Variants in TENM1 observed in about 807,000 individuals in gnomAD.
TENM1 encodes the protein teneurin transmembrane protein 1, also known as teneurin-1.
In TENM1, 35 loss-of-function variants were observed where a neutral mutation model predicts 174.8. The ratio of observed to expected loss-of-function variants is 0.20; its 90% CI spans 0.15 to 0.27. TENM1 has a LOEUF of 0.27. Among genes scored for constraint, TENM1 ranks in the 10% least tolerant of loss-of-function variants. TENM1 has a pLI of 1.00. For missense variants in TENM1, 1,633 were observed against 2,130.1 expected, an observed-to-expected ratio of 0.77 and a Z score of 4.59; for synonymous variants, 781 against 798.7, an observed-to-expected ratio of 0.98 and a Z score of 0.37.
At chrX:124,551,164 G>A (rs779728523) in intron 14 of TENM1, among the ~76,000 whole-genome samples, 49 of 112,334 alleles carry the variant, frequency 4.4e-4, no homozygotes, top group Non-Finnish European at 7.7e-4. Context: ...CACTCTATAA[G>A]TTGTTGTAAG....
At chrX:124,911,547 A>T (rs2057837173) in intron 1 of TENM1, among the ~76,000 whole-genome samples, 2 of 112,157 alleles carry the variant, frequency 1.8e-5, no homozygotes, top group Non-Finnish European at 3.8e-5. Context: ...ATCTTAAAGG[A>T]TGAATGCACT....
chrX:124,837,819 A>T (rs754543223), intron 3 of TENM1, among the ~76,000 whole-genome samples: 1 of 112,360 alleles, frequency 8.9e-6, no homozygotes, highest in African/African-American at 3.2e-5. Flanking sequence ...AGGTAGAAAG[A>T]GTTTTGCAAT....
intron 25 of TENM1, among the ~76,000 whole-genome samples, chrX:124,417,597 G>T (rs2060608713): frequency 9.0e-6 from 1 of 111,022 alleles, no homozygotes; most frequent in Admixed American, 9.6e-5. Flanking sequence ...TTCATGGAGA[G>T]ATCTCATCCC....
chrX:125,200,654 T>TGTGTGTGTGAGA, the TENM1 span, among the ~76,000 whole-genome samples: 8 of 92,420 alleles, frequency 8.7e-5, no homozygotes, highest in African/African-American at 3.4e-4. Context: ...TGTGTGTGTG[T>TGTGTGTGTGAGA]GAGAGAGAGA....
chrX:124,481,709 A>ATATATATATATT (rs766603058), intron 22 of TENM1, 23 bp downstream of exon 25: 70 of 401,071 alleles, frequency 1.7e-4, no homozygotes, highest in Middle Eastern at 7.5e-4. Flanking sequence ...ATATATATAT[A>ATATATATATATT]TATTTATTTA....
chrX:125,025,513 G>A, the TENM1 span, among the ~76,000 whole-genome samples: 10 of 111,791 alleles, frequency 8.9e-5, no homozygotes, highest in African/African-American at 3.3e-4. Context: ...AGCTGAAGCA[G>A]TGAAGCAAAT....
At chrX:124,859,061 T>C (rs920473609) in intron 3 of TENM1, among the ~76,000 whole-genome samples, 12 of 111,875 alleles carry the variant, frequency 1.1e-4, no homozygotes, top group African/African-American at 2.6e-4. Context: ...TTCCTCTTTT[T>C]TGTAAATATG....
chrX:124,870,937 A>T (rs1461625497), intron 3 of TENM1, among the ~76,000 whole-genome samples: 1 of 111,757 alleles, frequency 8.9e-6, no homozygotes, highest in African/African-American at 3.3e-5. Context: ...TTATATAATG[A>T]TCAAATCAGG....
intron 3 of TENM1, among the ~76,000 whole-genome samples, chrX:124,789,157 G>A (rs142361351): frequency 0.015 from 1,681 of 111,554 alleles, 29 homozygotes; most frequent in African/African-American, 0.049. Context: ...TCCACAGCCC[G>A]AGTTGTACCT....
chrX:124,380,827 C>CAGGGCTCCA (rs1311929314), exon 32 of TENM1: 4 of 1,211,282 alleles, frequency 3.3e-6, no homozygotes, highest in Non-Finnish European at 4.5e-6. Flanking sequence ...TGTTGAAGCA[C>CAGGGCTCCA]AGGGCTCCAT....
intron 23 of TENM1, among the ~76,000 whole-genome samples, chrX:124,443,044 A>ATGTGTGTGTGTGTG (rs59365041): frequency 1.6e-3 from 85 of 51,948 alleles, no homozygotes; most frequent in South Asian, 3.6e-3. Flanking sequence ...CTGGATGACT[A>ATGTGTGTGTGTGTG]TGTGTGTGTG....
At chrX:124,963,049 G>A (rs1481891522) in intron 1 of TENM1, among the ~76,000 whole-genome samples, 2 of 111,578 alleles carry the variant, frequency 1.8e-5, no homozygotes, top group African/African-American at 3.3e-5. Flanking sequence ...TGTAGGAAGG[G>A]TTCTAAAAAA....
In TENM1 at chrX:124,779,727, T is replaced by C. The variant is rs764957562; in HGVS notation, c.536-42530A>G. 5.4e-5 allele frequency among the ~76,000 whole-genome samples: 6 copies of C among 112,110 alleles called. No individual in the cohort carries two copies. In the East Asian group the frequency reaches 1.7e-3, roughly 31 times the overall value. On this transcript the variant is annotated intron_variant, in intron 3 of 31. Coordinates refer to ENST00000422452, the Ensembl canonical transcript of TENM1. Reference sequence around the variant, plus strand: ...TCTAACTGAAAGATGCCAACAACAATATTTGTGGCAGTAGCAATTCCCACT... The same window carrying C: ...TCTAACTGAAAGATGCCAACAACAACATTTGTGGCAGTAGCAATTCCCACT...
chrX:124,568,099 T>C (rs750520009), intron 11 of TENM1, among the ~76,000 whole-genome samples: 18 of 111,994 alleles, frequency 1.6e-4, no homozygotes, highest in Admixed American at 5.7e-4. Flanking sequence ...TTGGATATAA[T>C]GTAACAATTT....
At chrX:125,174,135 G>C in the TENM1 span, among the ~76,000 whole-genome samples, 4 of 111,361 alleles carry the variant, frequency 3.6e-5, no homozygotes, top group Non-Finnish European at 7.6e-5. Context: ...TCCAACCTCG[G>C]AAATATGATG....
At chrX:125,195,758 A>T in the TENM1 span, among the ~76,000 whole-genome samples, 2 of 111,102 alleles carry the variant, frequency 1.8e-5, no homozygotes, top group African/African-American at 3.3e-5. Context: ...CCTACCCAAG[A>T]TAACTGAAAG....
chrX:124,870,358 T>C (rs923214585), intron 3 of TENM1, among the ~76,000 whole-genome samples: 21 of 111,549 alleles, frequency 1.9e-4, no homozygotes, highest in African/African-American at 6.5e-4. Flanking sequence ...TTAATGTAGA[T>C]GGAAACAGAC....
chrX:125,013,296 T>C, the TENM1 span, among the ~76,000 whole-genome samples: 3 of 111,690 alleles, frequency 2.7e-5, no homozygotes, highest in Admixed American at 9.5e-5. Context: ...TACAAAACGA[T>C]TGCTTTAAGT....
intron 11 of TENM1, among the ~76,000 whole-genome samples, chrX:124,636,809 G>A (rs1318228389): frequency 3.6e-5 from 4 of 111,673 alleles, no homozygotes; most frequent in African/African-American, 1.3e-4. Context: ...TATATTTCTT[G>A]TTCATTTTTT....
Sources: allele counts gnomAD v4.1 joint callset (sites outside exome capture counted in the v4.1 genomes callset), GRCh38; gene constraint gnomAD v4.1.1; transcripts MANE v1.5; gene names NCBI Gene and HGNC (gene_info 2026-07-23, HGNC 2026-07-21).